ADAM15: variants seen among roughly 807,000 people sequenced by gnomAD.
ADAM15 encodes ADAM metallopeptidase domain 15, also known as disintegrin and metalloproteinase domain-containing protein 15.
ADAM15 carries 77 observed loss-of-function variants against 113.8 expected under a neutral mutation model. That is an observed-to-expected ratio of 0.68 (90% CI 0.56 to 0.82). The LOEUF is 0.82. ADAM15 is among the 40% of genes least tolerant of loss of function. The pLI, the probability that ADAM15 is intolerant of heterozygous loss-of-function variation, is 0.00. For missense variants in ADAM15, 963 were observed against 1,120.1 expected (o/e 0.86, Z 2.00); for synonymous variants, 388 against 454.1 (o/e 0.85, Z 1.85).
At position 155,056,345 on chromosome 1, in the gene ADAM15, C is replaced by T. The variant is rs764317813; in HGVS notation, c.915-41C>T. Reference sequence around the variant, plus strand: ...CCTCAGCCCCTGAAGCTCTGACCACCGTGGCTTCTGGCCCTGAACTTTAGC... The same window carrying T: ...CCTCAGCCCCTGAAGCTCTGACCACTGTGGCTTCTGGCCCTGAACTTTAGC... On this transcript the variant is annotated intron_variant, in intron 9 of 22. Transcript: ENST00000356955. The surrounding 1 kb of genome is among the most constrained non-coding windows in gnomAD (Gnocchi z 4.0). The T allele has an allele frequency of 9.3e-6, 15 of 1,612,018 alleles. No homozygotes were observed. The highest frequency in any genetic ancestry group is 2.2e-5 in the South Asian group (2 of 90,948).
intron 17 of ADAM15, 31 bp from the exon 18 acceptor site, chr1:155,060,174 G>A (rs370204136): frequency 3.9e-5 from 63 of 1,610,584 alleles, no homozygotes; most frequent in South Asian, 1.8e-4. Context: ...TCTTAGCCCC[G>A]TCCTCCCTTA....
In ADAM15 at chr1:155,056,682, C is replaced by T. The variant is rs965546894; in HGVS notation, c.999+212C>T. On this transcript the variant is annotated intron_variant, in intron 10 of 22. Transcript: ENST00000356955. The surrounding 1 kb of genome is among the most constrained non-coding windows in gnomAD (Gnocchi z 4.0). ...ACAGTCATCCCCTGTGCAGTCTTCC[C>T]ATTTCTTAGAGGAGGGTAGGAGGCA... Among the ~76,000 whole-genome samples, 2 of 152,136 alleles carry T rather than the reference C, an allele frequency of 1.3e-5. No homozygotes were observed. Among genetic ancestry groups the T allele is most frequent in the Non-Finnish European group, 2.9e-5 (2 of 68,022 alleles).
rs368774352 is a variant in ADAM15 at position 155,057,762 on chromosome 1, C to T, written c.1416+33C>T. On this transcript the variant is annotated intron_variant, in intron 13 of 22. Transcript: ENST00000356955. This position sits in a 1 kb window ranked among gnomAD's most constrained non-coding sequence, Gnocchi z 5.0. ...GAGACTAGACTGGCCACCCGGAGCT[C>T]ACCTGCCGGGGCCAAGGTGGAAAGG... The T allele has an allele frequency of 1.9e-6, 3 of 1,613,902 alleles. No individual in the cohort carries two copies. In the African/African-American group the frequency reaches 4.0e-5, roughly 22 times the overall value.
chr1:155,059,018 G>A (rs1368451529), intron 16 of ADAM15, among the ~76,000 whole-genome samples: 10 of 152,164 alleles, frequency 6.6e-5, no homozygotes, highest in Non-Finnish European at 1.5e-4. Flanking sequence ...AAAGCATCTA[G>A]CACAGGCTGG....
rs779628899 is a variant in ADAM15, at chr1:155,057,328, AGCCG to A, written c.1291_1294del (p.Pro431AlafsTer20). 1 of 1,614,126 alleles carries A rather than the reference AGCCG, an allele frequency of 6.2e-7. No homozygotes were observed. The highest frequency in any genetic ancestry group is 2.2e-5 in the East Asian group (1 of 44,886). On this transcript the variant is annotated frameshift_variant, in exon 12 of 23. Coordinates refer to ENST00000356955, the MANE Select transcript of ADAM15 (RefSeq NM_207197.3). LOFTEE classifies it high-confidence loss of function. This position sits in a 1 kb window ranked among gnomAD's most constrained non-coding sequence, Gnocchi z 5.0. ...GCTTTCTGCGGAAATATGTTTGTGGAGCCGGGCGAGCAGTGTGACTGTGGCTTCC... is the reference window on the plus strand; with the variant it reads ...GCTTTCTGCGGAAATATGTTTGTGGAGGCGAGCAGTGTGACTGTGGCTTCC...
chr1:155,057,446 C>G lies in ADAM15; in HGVS notation c.1323+84C>G. The G allele has an allele frequency of 6.4e-7, 1 of 1,573,390 alleles. No individual in the cohort carries two copies. Among genetic ancestry groups the G allele is most frequent in the Non-Finnish European group, 8.7e-7 (1 of 1,152,618 alleles). On this transcript the variant is annotated intron_variant, in intron 12 of 22. Coordinates refer to ENST00000356955, the MANE Select transcript of ADAM15 (RefSeq NM_207197.3). This position sits in a 1 kb window ranked among gnomAD's most constrained non-coding sequence, Gnocchi z 5.0. ...TAGCCCTATCCCAGCCTCCTGAGCT[C>G]TTGGGTTCTGAAGGGACTTTCCACC...
chr1:155,057,968 T>C lies in ADAM15; in HGVS notation c.1534T>C (p.Cys512Arg). Residue 512 changes from cysteine (C) to arginine (R), a missense_variant, in exon 14 of 23, where the codon TGC becomes CGC. Cys to Arg is a radical substitution (Grantham distance 180). Transcript: ENST00000356955. This position sits in a 1 kb window ranked among gnomAD's most constrained non-coding sequence, Gnocchi z 5.0. The part of the protein sequence containing the change: ...PDVSLGDGEP[C>R]AGGQAVCMHG... ...TGTCAGCCTAGGGGATGGCGAGCCC[T>C]GCGCTGGCGGGCAAGCTGTGTGCAT... 1 of 1,612,854 alleles carries C rather than the reference T, an allele frequency of 6.2e-7. No homozygotes were observed. The highest frequency in any genetic ancestry group is 8.5e-7 in the Non-Finnish European group (1 of 1,180,034).
Position 155,058,019 on chromosome 1 carries a change from C to T in ADAM15, c.1585C>T (p.Gln529Ter), listed in dbSNP as rs2102410047. Residue 529 changes from glutamine (Q) to a stop codon, truncating the protein, a stop_gained, in exon 14 of 23, where the codon CAG becomes TAG. Transcript: ENST00000356955. LOFTEE classifies it high-confidence loss of function. This position sits in a 1 kb window ranked among gnomAD's most constrained non-coding sequence, Gnocchi z 4.3. The part of the protein sequence containing the change: ...CMHGRCASYA[Q>*]QCQSLWGPGA... Reference sequence around the variant, plus strand: ...GCACGGGCGTTGTGCCTCCTATGCCCAGCAGTGCCAGTCACTTTGGGGACC... The same window carrying T: ...GCACGGGCGTTGTGCCTCCTATGCCTAGCAGTGCCAGTCACTTTGGGGACC... 1 of 1,614,026 alleles carries T rather than the reference C, an allele frequency of 6.2e-7. No individual in the cohort carries two copies. Among genetic ancestry groups the T allele is most frequent in the South Asian group, 1.1e-5 (1 of 91,086 alleles).
chr1:155,052,338 G>GT (rs1216919582), intron 1 of ADAM15: 2 of 674,102 alleles, frequency 3.0e-6, no homozygotes, highest in African/African-American at 3.6e-5. Context: ...CGTTCCTGAA[G>GT]TGGGGGGAGA....
chr1:155,054,734 G>A (rs1489970242), intron 6 of ADAM15, among the ~76,000 whole-genome samples: 1 of 152,134 alleles, frequency 6.6e-6, no homozygotes, highest in African/African-American at 2.4e-5. Context: ...TCTGGGCATG[G>A]TGGCGTGCAC....
Position 155,062,717 on chromosome 1 carries a change from G to A in ADAM15, c.*215G>A. On this transcript the variant is annotated 3_prime_UTR_variant, in exon 23 of 23. Transcript: ENST00000356955. This position sits in a 1 kb window ranked among gnomAD's most constrained non-coding sequence, Gnocchi z 7.0. ...GGGCTGGGGGTTGGACGGGATTGAG[G>A]AAGGTCCGCACAGCCTGTCTCTGCT... 1.6e-6 allele frequency: 1 copy of A among 627,928 alleles called. No homozygotes were observed. The highest frequency in any genetic ancestry group is 2.8e-5 in the East Asian group (1 of 35,500). 38.9% of individuals were successfully genotyped at this position (627,928 alleles called of 1,614,324 possible).
intron 1 of ADAM15, chr1:155,052,386 G>A (rs1369033062): frequency 9.6e-7 from 1 of 1,037,462 alleles, no homozygotes; most frequent in African/African-American, 1.6e-5. Context: ...AGGGTCCTGT[G>A]AGAACCTGGG....
Position 155,058,149 on chromosome 1 carries a change from C to G in ADAM15, c.1715C>G (p.Thr572Ser). ...CCCAGTGGCAGTTATGTGTCCTGCA[C>G]CCCTAGGTAAGTGAGGAAACCTGGC... ...RNPSGSYVSC[T>S]PRDAICGQLQ... The change falls in exon 14 of 23, where the codon ACC becomes AGC. Residue 572 changes from threonine to serine, a missense_variant. By Grantham distance (58) the Thr-to-Ser change is moderately conservative. Coordinates refer to ENST00000356955, the MANE Select transcript of ADAM15 (RefSeq NM_207197.3). This position sits in a 1 kb window ranked among gnomAD's most constrained non-coding sequence, Gnocchi z 4.3. 1 of 1,611,792 alleles carries G rather than the reference C, an allele frequency of 6.2e-7. No homozygotes were observed.
In ADAM15 at chr1:155,054,026, G is replaced by C. The variant is rs768025751; in HGVS notation, c.342+38G>C. On this transcript the variant is annotated intron_variant, in intron 4 of 22. Coordinates refer to ENST00000356955, the MANE Select transcript of ADAM15 (RefSeq NM_207197.3). ...CTCTTGTGCCATTTTTGGCTTAGGG[G>C]AAAGAGGGAGGGGGTGGCTGGAAGG... is the stretch of plus-strand genomic sequence containing the variant. The C allele has an allele frequency of 1.7e-5, 27 of 1,613,480 alleles. No individual in the cohort carries two copies. The African/African-American group carries it at 3.3e-4, about 20-fold the overall frequency.
At chr1:155,060,663 T>C (rs922032956) in intron 18 of ADAM15, 100 bp from the exon 19 acceptor site, 2 of 1,177,500 alleles carry the variant, frequency 1.7e-6, no homozygotes, top group South Asian at 1.2e-5. Context: ...AAACCACACA[T>C]AAGTGCCTGC....
At position 155,061,249 on chromosome 1, in the gene ADAM15, C is replaced by T. The variant is rs932231907; in HGVS notation, c.2278-166C>T. The T allele has an allele frequency of 5.0e-6, 3 of 599,100 alleles. No individual in the cohort carries two copies. In the African/African-American group the frequency reaches 5.6e-5, roughly 11 times the overall value. The allele number at this position is 599,100 out of a possible 1,614,324, so 37.1% of individuals were successfully genotyped here. ...GGATGATGGGAGTGTGTGCACACCTCCTCCCCACTCGCTCCCCACCTGCAT... is the reference window on the plus strand; with the variant it reads ...GGATGATGGGAGTGTGTGCACACCTTCTCCCCACTCGCTCCCCACCTGCAT... On this transcript the variant is annotated intron_variant, in intron 19 of 22. Coordinates refer to ENST00000356955, the MANE Select transcript of ADAM15 (RefSeq NM_207197.3).
chr1:155,060,753 T>C lies in ADAM15; in HGVS notation c.2208-10T>C, dbSNP rs779570383. ...GGGCCCTCTCCCTTCTTGCCTTTCC[T>C]CATGCATAGGGCAGCCCAATCTGGT... On this transcript the variant is annotated splice_polypyrimidine_tract_variant and intron_variant, in intron 18 of 22. Coordinates refer to ENST00000356955, the MANE Select transcript of ADAM15 (RefSeq NM_207197.3). 10 of 1,613,552 alleles carry C rather than the reference T, an allele frequency of 6.2e-6. No individual in the cohort carries two copies. Among genetic ancestry groups the C allele is most frequent in the East Asian group, 2.2e-5 (1 of 44,890 alleles).
rs1462787428 is a variant in ADAM15 at position 155,062,558 on chromosome 1, G to A, written c.*56G>A. 1.4e-5 allele frequency: 23 copies of A among 1,591,878 alleles called. No homozygotes were observed. The highest frequency in any genetic ancestry group is 6.7e-5 in the African/African-American group (5 of 74,496). ...GGACTTAGGGCTTCAAGAGGCGGGC[G>A]TGCCCTCTGGAGTCCCCTACCATGA... On this transcript the variant is annotated 3_prime_UTR_variant, in exon 23 of 23. Coordinates refer to ENST00000356955, the MANE Select transcript of ADAM15 (RefSeq NM_207197.3). The surrounding 1 kb of genome is among the most constrained non-coding windows in gnomAD (Gnocchi z 7.0).
rs765471884 is a variant in ADAM15, at chr1:155,061,985, G to C, written c.2424+10G>C. 4 of 1,575,152 alleles carry C rather than the reference G, an allele frequency of 2.5e-6. No homozygotes were observed. The Admixed American group carries it at 7.2e-5, about 28-fold the overall frequency. Reference sequence around the variant, plus strand: ...GGTGAGAAGCCCGAAGGTAACGGTGGGGGGAGAGAAGGGCACGGCCTCTCC... The same window carrying C: ...GGTGAGAAGCCCGAAGGTAACGGTGCGGGGAGAGAAGGGCACGGCCTCTCC... On this transcript the variant is annotated intron_variant, in intron 21 of 22. Transcript: ENST00000356955.
Sources: gnomAD v4.1 joint callset for allele counts (sites outside exome capture counted in the v4.1 genomes callset) on GRCh38, gnomAD v4.1.1 for gene constraint, Gnocchi (gnomAD v3.1) non-coding constraint, MANE v1.5 for transcripts, NCBI Gene and HGNC (gene_info 2026-07-23, HGNC 2026-07-21) for gene names.